The following SERINC5 variants were observed in gnomAD, a reference collection of about 807,000 sequenced individuals.
The protein encoded by SERINC5 is serine incorporator 5.
In SERINC5, 41 loss-of-function variants were observed where a neutral mutation model predicts 63.1. The ratio of observed to expected loss-of-function variants is 0.65; its 90% CI spans 0.51 to 0.84. The LOEUF (loss-of-function observed/expected upper bound fraction) is 0.84, where lower values mean the gene tolerates loss of function less well. Ranked by LOEUF, SERINC5 falls within the 40% of genes least tolerant of loss-of-function variation. The pLI is 0.00. For synonymous variants in SERINC5, 222 were observed against 215.2 expected, an observed-to-expected ratio of 1.03 and a Z score of -0.28; for missense variants, 523 against 573.0, an observed-to-expected ratio of 0.91 and a Z score of 0.89.
At chr5:80,212,844 A>G (rs111922794) in intron 1 of SERINC5, among the ~76,000 whole-genome samples, 1,797 of 152,300 alleles carry the variant, frequency 0.012, 43 homozygotes, top group African/African-American at 0.04. Context: ...GTAGTTCCTA[A>G]CTCACAAATG....
At chr5:80,242,839 C>T (rs999915361) in intron 1 of SERINC5, among the ~76,000 whole-genome samples, 1 of 152,208 alleles carries the variant, frequency 6.6e-6, no homozygotes, top group Non-Finnish European at 1.5e-5. Context: ...ATGAGAATTG[C>T]TTGAACTTGG....
chr5:80,113,538 G>C (rs936903502), intron 12 of SERINC5: 1 of 219,402 alleles, frequency 4.6e-6, no homozygotes, highest in East Asian at 1.3e-4. Context: ...ACATACCAGA[G>C]ACTGGGAAGA....
chr5:80,185,384 A>G (rs1157857837), intron 2 of SERINC5, among the ~76,000 whole-genome samples: 4 of 152,132 alleles, frequency 2.6e-5, no homozygotes, highest in Admixed American at 2.6e-4. Context: ...ACCGACACCC[A>G]TTTCATGGAG....
chr5:80,156,998 T>TTC (rs1431186261), intron 8 of SERINC5: 3 of 146,136 alleles, frequency 2.1e-5, no homozygotes, highest in Admixed American at 6.7e-5. Context: ...TTTTTCTTTT[T>TTC]TTTTTTTTTT....
chr5:80,217,023 T>C (rs1750698494), intron 1 of SERINC5, among the ~76,000 whole-genome samples: 1 of 152,032 alleles, frequency 6.6e-6, no homozygotes, highest in Non-Finnish European at 1.5e-5. Flanking sequence ...AAAAAACAAA[T>C]AAAATAAAAT....
intron 1 of SERINC5, among the ~76,000 whole-genome samples, chr5:80,246,617 A>G (rs1752181226): frequency 6.6e-6 from 1 of 152,200 alleles, no homozygotes; most frequent in African/African-American, 2.4e-5. Flanking sequence ...GCTTTCCTTA[A>G]ACATCAGCAA....
intron 1 of SERINC5, among the ~76,000 whole-genome samples, chr5:80,242,895 C>T (rs948363761): frequency 4.6e-5 from 7 of 152,204 alleles, no homozygotes; most frequent in Admixed American, 1.3e-4. Context: ...TGCATTCCAG[C>T]CTAAATGACA....
chr5:80,254,229 GCTTTT>G (rs10539206), intron 1 of SERINC5, among the ~76,000 whole-genome samples: 51,796 of 151,658 alleles, frequency 0.34, 9,092 homozygotes, highest in East Asian at 0.56. Context: ...CAGCCTGTTT[GCTTTT>G]CTTTTAACTT....
chr5:80,241,129 C>T (rs1296469946), intron 1 of SERINC5, among the ~76,000 whole-genome samples: 1 of 152,066 alleles, frequency 6.6e-6, no homozygotes, highest in Non-Finnish European at 1.5e-5. Context: ...TGATGCTTCT[C>T]CCTTTTTCAA....
intron 10 of SERINC5, 133 bp downstream of exon 10, chr5:80,147,112 A>T: frequency 1.3e-6 from 1 of 779,556 alleles, no homozygotes; most frequent in Non-Finnish European, 2.1e-6. Flanking sequence ...GTGTATAAGT[A>T]GTAAGTCAGC....
chr5:80,118,093 C>T (rs1744402993), intron 11 of SERINC5, among the ~76,000 whole-genome samples: 1 of 152,050 alleles, frequency 6.6e-6, no homozygotes. Flanking sequence ...ATTGCAGCTA[C>T]TCAGGAGGTG....
At chr5:80,138,489 G>C (rs533255594), downstream of SERINC5, among the ~76,000 whole-genome samples, 1 of 152,016 alleles carries the variant, frequency 6.6e-6, no homozygotes, top group Non-Finnish European at 1.5e-5. Flanking sequence ...CCAGCTACTC[G>C]GGAGGTTGAG....
At chr5:80,247,797 T>C (rs1413679482) in intron 1 of SERINC5, among the ~76,000 whole-genome samples, 1 of 152,162 alleles carries the variant, frequency 6.6e-6, no homozygotes, top group African/African-American at 2.4e-5. Flanking sequence ...AAAGTGTGGA[T>C]AGTACCCAAC....
chr5:80,117,229 G>C (rs1744366345), intron 11 of SERINC5, among the ~76,000 whole-genome samples: 1 of 152,086 alleles, frequency 6.6e-6, no homozygotes, highest in African/African-American at 2.4e-5. Flanking sequence ...AGACACACTT[G>C]AGTTCTGGTC....
At chr5:80,227,606 CAA>C (rs74441331) in intron 1 of SERINC5, among the ~76,000 whole-genome samples, 2 of 102,714 alleles carry the variant, frequency 1.9e-5, no homozygotes, top group Non-Finnish European at 2.0e-5. Flanking sequence ...ACTAAAAATA[CAA>C]AAAAAAAAAA....
Position 80,141,558 on chromosome 5 carries a change from G to A in SERINC5, c.*2105C>T. The A allele has an allele frequency of 1.0e-6, 1 of 985,484 alleles. No homozygotes were observed. Among genetic ancestry groups the A allele is most frequent in the Non-Finnish European group, 1.2e-6 (1 of 830,008 alleles). 61.0% of individuals were successfully genotyped at this position (985,484 alleles called of 1,614,324 possible). On this transcript the variant is annotated 3_prime_UTR_variant, in exon 12 of 12. Transcript: ENST00000507668. ...CAGCAGGAGGAAAACAATGAAACTA[G>A]TCACAATACTGCCCAGGCTCTTTAC...
At chr5:80,255,144 C>T (rs1168344757) in intron 1 of SERINC5, 2 of 152,202 alleles carry the variant, frequency 1.3e-5, no homozygotes, top group Admixed American at 6.5e-5. Flanking sequence ...CTAAGACGTA[C>T]TAATTCTACA....
chr5:80,119,836 A>G (rs1019246790), intron 11 of SERINC5, among the ~76,000 whole-genome samples: 6 of 152,206 alleles, frequency 3.9e-5, no homozygotes, highest in African/African-American at 1.4e-4. Context: ...TGGGGATAGG[A>G]ACCAACCATT....
At chr5:80,201,938 T>C (rs1287496264) in intron 2 of SERINC5, among the ~76,000 whole-genome samples, 1 of 152,170 alleles carries the variant, frequency 6.6e-6, no homozygotes, top group Non-Finnish European at 1.5e-5. Context: ...CAGCTGCTAT[T>C]TGAAATCCTG....
Sources: allele counts gnomAD v4.1 joint callset (sites outside exome capture counted in the v4.1 genomes callset), GRCh38; gene constraint gnomAD v4.1.1; transcripts MANE v1.5; gene names NCBI Gene and HGNC (gene_info 2026-07-23, HGNC 2026-07-21).